Variants in VPS8 observed in about 807,000 individuals in gnomAD.
VPS8 encodes VPS8 subunit of CORVET complex, also known as vacuolar protein sorting-associated protein 8 homolog.
In VPS8, 129 loss-of-function variants were observed where a neutral mutation model predicts 216.4. The ratio of observed to expected loss-of-function variants is 0.60; its 90% CI spans 0.52 to 0.69. The LOEUF (loss-of-function observed/expected upper bound fraction) is 0.69, where lower values mean the gene tolerates loss of function less well. Among genes scored for constraint, VPS8 ranks in the 30% least tolerant of loss-of-function variants. VPS8 has a pLI of 0.00. For missense variants in VPS8, 1,531 were observed against 1,683.5 expected (o/e 0.91, Z 1.59); for synonymous variants, 571 against 565.4 (o/e 1.01, Z -0.14).
At chr3:184,963,748 T>C (rs545245961) in intron 37 of VPS8, among the ~76,000 whole-genome samples, 190 of 152,234 alleles carry the variant, frequency 1.2e-3, no homozygotes, top group African/African-American at 4.3e-3. Flanking sequence ...ATGGTATTTA[T>C]CATAGGATTT....
rs566438011 is a variant in VPS8 at position 184,878,259 on chromosome 3, C to T, written c.1734+7454C>T. Among the ~76,000 whole-genome samples the T allele has an allele frequency of 2.6e-5, 4 of 151,932 alleles. No homozygotes were observed. The East Asian group carries it at 5.8e-4, about 22-fold the overall frequency. On this transcript the variant is annotated intron_variant, in intron 21 of 47. Coordinates refer to ENST00000625842, the MANE Select transcript of VPS8 (RefSeq NM_001009921.3). ...CTGAGCAGCTGGGATTACAGGTGCC[C>T]GCCACCACACCCAGCTAATTTTTGT...
chr3:185,012,319 A>T (rs1755133801), intron 45 of VPS8, among the ~76,000 whole-genome samples: 1 of 147,726 alleles, frequency 6.8e-6, no homozygotes, highest in South Asian at 2.1e-4. Context: ...TTTATAATTT[A>T]TATATGGATA....
intron 10 of VPS8, among the ~76,000 whole-genome samples, chr3:184,850,657 G>T (rs1724077786): frequency 6.6e-6 from 1 of 152,122 alleles, no homozygotes; most frequent in South Asian, 2.1e-4. Flanking sequence ...ATTCTTCCAC[G>T]CTGTCAAGCC....
chr3:184,975,904 C>G (rs1046702213), intron 40 of VPS8, among the ~76,000 whole-genome samples: 1 of 152,088 alleles, frequency 6.6e-6, no homozygotes, highest in Non-Finnish European at 1.5e-5. Context: ...CACACTTAAT[C>G]ATGGCGTATT....
chr3:184,864,173 G>A (rs924537548), intron 16 of VPS8, among the ~76,000 whole-genome samples: 5 of 151,984 alleles, frequency 3.3e-5, no homozygotes, highest in African/African-American at 7.2e-5. Context: ...GGAAGAAGAA[G>A]AAGAAAAGTA....
In VPS8 at chr3:185,049,883, T is replaced by G. The variant is rs573580891; in HGVS notation, c.4137+1324T>G. On this transcript the variant is annotated intron_variant, in intron 47 of 47. Transcript: ENST00000625842. ...CTTTGAGAGTTGGTGTGGGCAGAGGTTGTTATTCCAGGAAGTTTCTCTAGG... is the reference window on the plus strand; with the variant it reads ...CTTTGAGAGTTGGTGTGGGCAGAGGGTGTTATTCCAGGAAGTTTCTCTAGG... Among the ~76,000 whole-genome samples the G allele has an allele frequency of 5.3e-5, 8 of 151,930 alleles. No individual in the cohort carries two copies. The South Asian group carries it at 1.7e-3, about 32-fold the overall frequency.
chr3:184,870,941 A>G (rs1253583488), intron 21 of VPS8, 136 bp downstream of exon 21: 3 of 717,462 alleles, frequency 4.2e-6, no homozygotes, highest in Non-Finnish European at 7.0e-6. Context: ...CAGGGCTTGT[A>G]GAACATTCTA....
At chr3:184,872,805 C>G (rs7628188) in intron 21 of VPS8, among the ~76,000 whole-genome samples, 71,204 of 151,774 alleles carry the variant, frequency 0.47, 17,721 homozygotes, top group East Asian at 0.67. Context: ...TGGGCACAAT[C>G]ACATGGCTAC....
intron 45 of VPS8, among the ~76,000 whole-genome samples, chr3:185,018,739 G>A (rs1324232787): frequency 6.6e-6 from 1 of 152,202 alleles, no homozygotes; most frequent in African/African-American, 2.4e-5. Context: ...CGGCTCAAAT[G>A]TAGCTATAAT....
chr3:184,900,125 G>T (rs1315772413), intron 24 of VPS8, among the ~76,000 whole-genome samples: 1 of 152,198 alleles, frequency 6.6e-6, no homozygotes, highest in African/African-American at 2.4e-5. Flanking sequence ...ACTAAGGTAA[G>T]AATAGTGCCT....
In VPS8 at chr3:184,906,078, A is replaced by T. The variant is rs181363947; in HGVS notation, c.2146+5106A>T. Among the ~76,000 whole-genome samples, 1,309 of 152,128 alleles carry T rather than the reference A, an allele frequency of 8.6e-3. 6 individuals are homozygous for T. Among genetic ancestry groups the T allele is most frequent in the Non-Finnish European group, 0.012 (797 of 67,966 alleles). On this transcript the variant is annotated intron_variant, in intron 25 of 47. Transcript: ENST00000625842. ...AGGTCTTTGTTTTTGTGTTTTTTTT[A>T]AAATTAAGTGTTTACAGCTACAAAT...
intron 8 of VPS8, among the ~76,000 whole-genome samples, chr3:184,845,096 A>G (rs1722881033): frequency 6.6e-6 from 1 of 152,236 alleles, no homozygotes; most frequent in African/African-American, 2.4e-5. Flanking sequence ...TGTTAATTTA[A>G]TAACTTTTTC....
Position 184,996,479 on chromosome 3 carries a change from G to A in VPS8, c.3814G>A (p.Ala1272Thr). 1.2e-6 allele frequency: 2 copies of A among 1,606,904 alleles called. No homozygotes were observed. The highest frequency in any genetic ancestry group is 2.2e-5 in the South Asian group (2 of 90,242). The part of the protein sequence containing the change: ...LQQYKRRQEM[A>T]DEIIVFSCGH... ...GCAGTACAAGAGACGCCAAGAAATG[G>A]CTGATGAAATAATTGTCTTTAGGTA... The change falls in exon 44 of 48, where the codon GCT becomes ACT. Residue 1272 changes from alanine (A) to threonine (T), a missense_variant. Physicochemically the swap from Ala to Thr is moderately conservative, Grantham distance 58. Transcript: ENST00000625842.
chr3:184,844,891 T>C (rs1325423671), intron 8 of VPS8, among the ~76,000 whole-genome samples: 1 of 152,224 alleles, frequency 6.6e-6, no homozygotes. Context: ...ATTTGTGCCA[T>C]TTGGTGATTT....
At chr3:184,819,744 C>T (rs1429792191) in intron 1 of VPS8, among the ~76,000 whole-genome samples, 1 of 152,138 alleles carries the variant, frequency 6.6e-6, no homozygotes, top group African/African-American at 2.4e-5. Flanking sequence ...CCCCCTCAAC[C>T]AGTGGAAAAT....
chr3:185,044,214 C>T (rs1011441633), intron 46 of VPS8, among the ~76,000 whole-genome samples: 36 of 152,240 alleles, frequency 2.4e-4, no homozygotes, highest in African/African-American at 7.9e-4. Flanking sequence ...AAGTGACTTT[C>T]GTCAGGCTTC....
intron 42 of VPS8, among the ~76,000 whole-genome samples, chr3:184,992,730 A>G (rs1221619099): frequency 6.6e-6 from 1 of 152,162 alleles, no homozygotes; most frequent in African/African-American, 2.4e-5. Context: ...GATATTAGAG[A>G]AAAGTAATAG....
At chr3:184,886,814 T>C (rs1731364447) in intron 22 of VPS8, among the ~76,000 whole-genome samples, 1 of 151,928 alleles carries the variant, frequency 6.6e-6, no homozygotes, top group Admixed American at 6.6e-5. Flanking sequence ...CTCCTGACTT[T>C]GTGATCCACC....
chr3:184,939,753 T>C, intron 35 of VPS8, among the ~76,000 whole-genome samples: 1 of 152,154 alleles, frequency 6.6e-6, no homozygotes, highest in East Asian at 1.9e-4. Flanking sequence ...GGTTGTTAAC[T>C]TGGACCTCAA....
Sources: gnomAD v4.1 joint callset for allele counts (sites outside exome capture counted in the v4.1 genomes callset) on GRCh38, gnomAD v4.1.1 for gene constraint, MANE v1.5 for transcripts, NCBI Gene and HGNC (gene_info 2026-07-23, HGNC 2026-07-21) for gene names.